Variants in POF1B observed in about 807,000 individuals in gnomAD.
POF1B encodes POF1B actin binding protein.
A neutral mutation model predicts 55.3 loss-of-function variants in POF1B; 53 were observed. The observed-to-expected ratio is 0.96, with a 90% CI of 0.77 to 1.20. POF1B has a LOEUF of 1.20. Ranked by LOEUF, POF1B falls within the 50% of genes most tolerant of loss-of-function variation. The probability of loss-of-function intolerance (pLI) is 0.00; values close to 1 mark genes in which losing one functional copy is unlikely to be tolerated. For synonymous variants in POF1B, 188 were observed against 148.3 expected, an observed-to-expected ratio of 1.27 and a Z score of -1.95; for missense variants, 478 against 420.5, an observed-to-expected ratio of 1.14 and a Z score of -1.20.
chrX:85,369,617 T>C (rs1933786671), intron 2 of POF1B, among the ~76,000 whole-genome samples: 1 of 111,982 alleles, frequency 8.9e-6, no homozygotes, highest in Admixed American at 9.5e-5. Flanking sequence ...TTTCAATTAA[T>C]AGTATTCCAA....
chrX:85,361,089 G>A (rs1372173530), intron 3 of POF1B, among the ~76,000 whole-genome samples: 1 of 111,278 alleles, frequency 9.0e-6, no homozygotes, highest in African/African-American at 3.3e-5. Context: ...CTTTTCTCTT[G>A]TAAATTTGTG....
chrX:85,307,639 A>G (rs1932606760), intron 10 of POF1B, among the ~76,000 whole-genome samples: 1 of 111,819 alleles, frequency 8.9e-6, no homozygotes, highest in Non-Finnish European at 1.9e-5. Flanking sequence ...AACTACTCCA[A>G]AGTCCTCAAG....
At chrX:85,332,779 T>G (rs1261551264) in intron 6 of POF1B, among the ~76,000 whole-genome samples, 2 of 111,437 alleles carry the variant, frequency 1.8e-5, no homozygotes, top group Non-Finnish European at 3.8e-5. Flanking sequence ...ATCATCACAT[T>G]TTTGTTCAGT....
chrX:85,293,766 A>G (rs1389978572), intron 15 of POF1B, among the ~76,000 whole-genome samples: 1 of 111,783 alleles, frequency 8.9e-6, no homozygotes, highest in African/African-American at 3.2e-5. Context: ...TGAGGTCAGG[A>G]GTTCAAGACC....
At chrX:85,349,038 A>T (rs1285435138) in intron 5 of POF1B, among the ~76,000 whole-genome samples, 3 of 111,179 alleles carry the variant, frequency 2.7e-5, no homozygotes, top group African/African-American at 9.8e-5. Context: ...ATTTCATGAA[A>T]TTTTTTCTGC....
intron 15 of POF1B, among the ~76,000 whole-genome samples, chrX:85,293,222 C>T (rs1416421807): frequency 2.7e-5 from 3 of 111,999 alleles, no homozygotes; most frequent in African/African-American, 9.7e-5. Context: ...TGCATTTATG[C>T]GTATGTTCAC....
intron 16 of POF1B, among the ~76,000 whole-genome samples, chrX:85,279,753 T>A (rs1931857224): frequency 9.0e-6 from 1 of 111,389 alleles, no homozygotes; most frequent in Non-Finnish European, 1.9e-5. Flanking sequence ...TTTAAATATA[T>A]TCTGACCTTG....
intron 9 of POF1B, among the ~76,000 whole-genome samples, chrX:85,310,833 T>G (rs762282886): frequency 1.8e-5 from 2 of 111,906 alleles, no homozygotes; most frequent in Non-Finnish European, 3.8e-5. Context: ...AACTAAAAAT[T>G]TTCAAAGCAG....
At chrX:85,371,305 A>T (rs1933816297) in intron 2 of POF1B, among the ~76,000 whole-genome samples, 1 of 111,986 alleles carries the variant, frequency 8.9e-6, no homozygotes, top group Admixed American at 9.5e-5. Flanking sequence ...AACAATTTCA[A>T]ATTTTTTAAA....
At chrX:85,300,453 T>C (rs1932419451) in intron 15 of POF1B, among the ~76,000 whole-genome samples, 2 of 111,984 alleles carry the variant, frequency 1.8e-5, no homozygotes, top group Non-Finnish European at 3.8e-5. Context: ...CTAAGATAAA[T>C]GAGCAGAGAC....
intron 9 of POF1B, among the ~76,000 whole-genome samples, chrX:85,313,218 T>C (rs1932750356): frequency 8.9e-6 from 1 of 111,835 alleles, no homozygotes; most frequent in Non-Finnish European, 1.9e-5. Flanking sequence ...CTATGTTGAA[T>C]AGGAGTAGTG....
chrX:85,342,161 T>C (rs962415313), intron 6 of POF1B, among the ~76,000 whole-genome samples: 9 of 111,769 alleles, frequency 8.1e-5, no homozygotes, highest in African/African-American at 2.3e-4. Context: ...GGGAAGTATA[T>C]GTAACTTGTA....
Position 85,314,502 on chromosome X carries a change from TCCG to T in POF1B, c.884_886del (p.Ser295_Glu296delinsTer). ...TTTAGGAATCAATGATTCAATGTCT[TCCG>T]ACTGTAAGAAAAAAAGGCTTATCCA... On this transcript the variant is annotated stop_gained and inframe_deletion and splice_region_variant, in exon 9 of 17. Coordinates refer to ENST00000262753, the MANE Select transcript of POF1B (RefSeq NM_024921.4). LOFTEE classifies it high-confidence loss of function. 1 of 1,184,489 alleles carries T rather than the reference TCCG, an allele frequency of 8.4e-7. No individual in the cohort carries two copies. The highest frequency in any genetic ancestry group is 2.3e-5 in the Admixed American group (1 of 42,672).
intron 7 of POF1B, among the ~76,000 whole-genome samples, chrX:85,325,983 A>C (rs957877194): frequency 2.7e-5 from 3 of 111,025 alleles, no homozygotes; most frequent in African/African-American, 9.9e-5. Context: ...GCATGCTCTA[A>C]TTCTGGGGAG....
rs1023632490 is a variant in POF1B at position 85,331,195 on chromosome X, AT to A, written c.724-117del. 3.9e-6 allele frequency: 3 copies of A among 761,293 alleles called. No homozygotes were observed. The South Asian group carries it at 1.3e-4, about 34-fold the overall frequency. The allele number at this position is 761,293 out of a possible 1,213,427, so 62.7% of individuals were successfully genotyped here. On this transcript the variant is annotated intron_variant, in intron 6 of 16. Coordinates refer to ENST00000262753, the MANE Select transcript of POF1B (RefSeq NM_024921.4). ...CTAAAGTCATCACATAAATCAAGCC[AT>A]TTTTTTCAGGGATACATTTTTTAAT... is the stretch of plus-strand genomic sequence containing the variant.
intron 3 of POF1B, among the ~76,000 whole-genome samples, chrX:85,363,977 A>G (rs1042196080): frequency 2.7e-5 from 3 of 112,066 alleles, no homozygotes; most frequent in African/African-American, 9.7e-5. Context: ...TTCCTGTTAA[A>G]TTGAAATCTT....
chrX:85,307,987 A>G (rs946685185), intron 10 of POF1B, 137 bp downstream of exon 10: 3 of 339,212 alleles, frequency 8.8e-6, no homozygotes, highest in Non-Finnish European at 1.6e-5. Flanking sequence ...CTGTTTGAAG[A>G]AAATAATTTA....
At position 85,313,981 on chromosome X, in the gene POF1B, G is replaced by A. The variant is rs138020737; in HGVS notation, c.957+451C>T. On this transcript the variant is annotated intron_variant, in intron 9 of 16. Coordinates refer to ENST00000262753, the MANE Select transcript of POF1B (RefSeq NM_024921.4). ...CTTCTAGTTTTTCTGGTTTATTTGC[G>A]TAGATGTGTTTATAGTATTCTCTGA... Among the ~76,000 whole-genome samples the A allele has an allele frequency of 6.7e-3, 737 of 110,698 alleles. 5 individuals carry two copies. The highest frequency in any genetic ancestry group is 0.023 in the African/African-American group (694 of 30,474).
chrX:85,317,415 C>T (rs1932796818), intron 7 of POF1B, among the ~76,000 whole-genome samples: 1 of 109,857 alleles, frequency 9.1e-6, no homozygotes, highest in African/African-American at 3.3e-5. Flanking sequence ...ATTACCTTTT[C>T]TCCACAACCA....
Sources: allele counts gnomAD v4.1 joint callset (sites outside exome capture counted in the v4.1 genomes callset), GRCh38; gene constraint gnomAD v4.1.1; transcripts MANE v1.5; gene names NCBI Gene and HGNC (gene_info 2026-07-23, HGNC 2026-07-21).